The following LRRC7 variants were observed in gnomAD, a reference collection of about 807,000 sequenced individuals.
The protein encoded by LRRC7 is leucine rich repeat containing 7.
In LRRC7, 23 loss-of-function variants were observed where a neutral mutation model predicts 175.7. The observed-to-expected ratio is 0.13, with a 90% CI of 0.09 to 0.19. The LOEUF is 0.19. Ranked by LOEUF, LRRC7 falls within the 10% of genes least tolerant of loss-of-function variation. The pLI is 1.00. For missense variants in LRRC7, 1,354 were observed against 1,904.7 expected (o/e 0.71, Z 5.38); for synonymous variants, 685 against 680.9 (o/e 1.01, Z -0.09).
At chr1:69,996,071 T>C (rs1253065124) in intron 11 of LRRC7, among the ~76,000 whole-genome samples, 1 of 151,050 alleles carries the variant, frequency 6.6e-6, no homozygotes, top group Non-Finnish European at 1.5e-5. Context: ...ACCTGTTGTT[T>C]CCTGACTTTT....
rs537976796 is a variant in LRRC7, at chr1:69,813,257, C to T, written c.422-12491C>T. On this transcript the variant is annotated intron_variant, in intron 4 of 26. Coordinates refer to ENST00000651989, the MANE Select transcript of LRRC7 (RefSeq NM_001370785.2). The stretch of plus-strand genomic sequence containing the variant: ...CTTTCTTCTCTCTCATGTCACTGTG[C>T]TTGCTTGCTCAGCAAAATTACAACC... Among the ~76,000 whole-genome samples, 5 of 152,234 alleles carry T rather than the reference C, an allele frequency of 3.3e-5. No homozygotes were observed. The South Asian group carries it at 8.3e-4, about 25-fold the overall frequency.
chr1:69,781,029 T>C (rs905128115), intron 3 of LRRC7, among the ~76,000 whole-genome samples: 2 of 152,232 alleles, frequency 1.3e-5, no homozygotes, highest in Non-Finnish European at 2.9e-5. Context: ...GTTTGAGATA[T>C]AGTCATCTAC....
At position 70,021,056 on chromosome 1, in the gene LRRC7, G is replaced by T; in HGVS notation, c.1472G>T (p.Arg491Ile). The T allele has an allele frequency of 6.2e-7, 1 of 1,612,898 alleles. No individual in the cohort carries two copies. Among genetic ancestry groups the T allele is most frequent in the South Asian group, 1.1e-5 (1 of 91,040 alleles). The change falls in exon 16 of 27, where the codon AGA (arginine) becomes ATA (isoleucine). Residue 491 changes from arginine to isoleucine, a missense_variant. Around this residue, in one of 4 missense-constraint regions of LRRC7, gnomAD observed 1,032 missense variants for 1,227.2 expected, o/e 0.84. Coordinates refer to ENST00000651989, the MANE Select transcript of LRRC7 (RefSeq NM_001370785.2). ...AACCCTACACTGTGGGAAGAGCAGA[G>T]ACAACAACGCATGACTGTTGCCTTT... ...SFNPTLWEEQ[R>I]QQRMTVAFEF...
intron 5 of LRRC7, among the ~76,000 whole-genome samples, chr1:69,831,254 T>G (rs1204280439): frequency 6.6e-6 from 1 of 152,002 alleles, no homozygotes; most frequent in Non-Finnish European, 1.5e-5. Context: ...TTTTGAAAAG[T>G]CATATGTAAG....
intron 1 of LRRC7, among the ~76,000 whole-genome samples, chr1:69,672,985 C>G (rs998447644): frequency 6.6e-6 from 1 of 152,188 alleles, no homozygotes; most frequent in Non-Finnish European, 1.5e-5. Context: ...TAACTGCAGT[C>G]TCTTCCTCAG....
intron 7 of LRRC7, among the ~76,000 whole-genome samples, chr1:69,916,773 G>T (rs768337808): frequency 2.0e-5 from 3 of 152,056 alleles, no homozygotes; most frequent in South Asian, 2.1e-4. Context: ...AATAACATTG[G>T]CAAGTTACTT....
chr1:69,658,949 C>T (rs1657039169), intron 1 of LRRC7, among the ~76,000 whole-genome samples: 1 of 151,860 alleles, frequency 6.6e-6, no homozygotes, highest in African/African-American at 2.4e-5. Context: ...GCCATTTTTG[C>T]CTCCATGTCT....
At chr1:69,602,787 C>A (rs1241439943) in intron 1 of LRRC7, among the ~76,000 whole-genome samples, 2 of 152,158 alleles carry the variant, frequency 1.3e-5, no homozygotes, top group Admixed American at 1.3e-4. Flanking sequence ...AGGTTAGCAA[C>A]TTATGGCATA....
At chr1:69,709,839 G>A (rs183730317) in intron 2 of LRRC7, among the ~76,000 whole-genome samples, 168 of 152,056 alleles carry the variant, frequency 1.1e-3, no homozygotes, top group African/African-American at 3.7e-3. Flanking sequence ...CTATGTGTGT[G>A]GATATAGGAA....
chr1:69,680,236 G>A (rs1269825831), intron 2 of LRRC7, among the ~76,000 whole-genome samples: 1 of 152,052 alleles, frequency 6.6e-6, no homozygotes, highest in East Asian at 1.9e-4. Flanking sequence ...AAGAAGCTCT[G>A]CAGGAGATTC....
intron 5 of LRRC7, among the ~76,000 whole-genome samples, chr1:69,834,318 T>G (rs574319094): frequency 1.3e-5 from 2 of 152,286 alleles, no homozygotes; most frequent in East Asian, 1.9e-4. Context: ...CTGGGCAACT[T>G]TAGTCATCGC....
intron 7 of LRRC7, among the ~76,000 whole-genome samples, chr1:69,867,706 ATGAC>A (rs1002121012): frequency 1.7e-4 from 26 of 152,164 alleles, no homozygotes; most frequent in African/African-American, 6.3e-4. Context: ...CATTTAGTAA[ATGAC>A]TGAGTTTGAA....
chr1:69,692,579 A>G (rs1662023626), intron 2 of LRRC7, among the ~76,000 whole-genome samples: 1 of 152,112 alleles, frequency 6.6e-6, no homozygotes, highest in East Asian at 1.9e-4. Flanking sequence ...ACCATTCTAA[A>G]CCAAGGCCTT....
intron 4 of LRRC7, among the ~76,000 whole-genome samples, chr1:69,802,793 T>G (rs1569994306): frequency 2.6e-5 from 4 of 151,512 alleles, no homozygotes; most frequent in Admixed American, 2.6e-4. Context: ...TTTGTTTCTC[T>G]CAATGTAGTA....
intron 21 of LRRC7, among the ~76,000 whole-genome samples, chr1:70,040,114 G>C (rs1272717206): frequency 6.6e-6 from 1 of 152,168 alleles, no homozygotes; most frequent in Non-Finnish European, 1.5e-5. Context: ...CCTCTCCTAG[G>C]ACGCAAAACT....
intron 2 of LRRC7, among the ~76,000 whole-genome samples, chr1:69,745,136 A>G (rs1669120135): frequency 6.6e-6 from 1 of 151,942 alleles, no homozygotes; most frequent in African/African-American, 2.4e-5. Context: ...CTTGTTCAAG[A>G]TATGAGAAGG....
At chr1:69,816,368 AACGTATC>A (rs889450826) in intron 4 of LRRC7, among the ~76,000 whole-genome samples, 3 of 152,156 alleles carry the variant, frequency 2.0e-5, no homozygotes, top group African/African-American at 7.2e-5. Context: ...ACCTCTTAAA[AACGTATC>A]ACCTTGGGTG....
At chr1:69,977,939 C>T (rs539540825) in intron 8 of LRRC7, among the ~76,000 whole-genome samples, 2 of 152,304 alleles carry the variant, frequency 1.3e-5, no homozygotes, top group African/African-American at 2.4e-5. Context: ...ATACATCAGT[C>T]TCTGTCTTAT....
chr1:69,752,593 A>C (rs1307430024), intron 2 of LRRC7, among the ~76,000 whole-genome samples: 1 of 152,136 alleles, frequency 6.6e-6, no homozygotes, highest in Non-Finnish European at 1.5e-5. Context: ...GATTTGAAGA[A>C]GGTAGCAAGA....
Sources: allele counts gnomAD v4.1 joint callset (sites outside exome capture counted in the v4.1 genomes callset), GRCh38; gene constraint gnomAD v4.1.1; regional missense constraint gnomAD v4.1.1; transcripts MANE v1.5; gene names NCBI Gene and HGNC (gene_info 2026-07-23, HGNC 2026-07-21).